STARD5: variants seen among roughly 807,000 people sequenced by gnomAD.
STARD5 encodes the protein StAR related lipid transfer domain containing 5.
Under a neutral mutation model 24.6 loss-of-function variants are expected in STARD5, and 26 were observed. That is an observed-to-expected ratio of 1.06 (90% CI 0.77 to 1.47). STARD5 has a LOEUF of 1.47. Among genes scored for constraint, STARD5 ranks in the 40% most tolerant of loss-of-function variants. The pLI, the probability that STARD5 is intolerant of heterozygous loss-of-function variation, is 0.00. For synonymous variants in STARD5, 101 were observed against 99.7 expected, an observed-to-expected ratio of 1.01 and a Z score of -0.07; for missense variants, 254 against 270.8, an observed-to-expected ratio of 0.94 and a Z score of 0.44.
At chr15:81,321,702 C>T (rs1332910191) in intron 3 of STARD5, among the ~76,000 whole-genome samples, 1 of 151,812 alleles carries the variant, frequency 6.6e-6, no homozygotes, top group East Asian at 1.9e-4. Context: ...ATGATGACTT[C>T]CAAGAATAAA....
chr15:81,316,410 G>A (rs190862197), intron 5 of STARD5, among the ~76,000 whole-genome samples: 1 of 152,180 alleles, frequency 6.6e-6, no homozygotes, highest in Non-Finnish European at 1.5e-5. Context: ...ATCAATATCT[G>A]GGTTAAGAGC....
chr15:81,316,382 C>T (rs755995446), intron 5 of STARD5, among the ~76,000 whole-genome samples: 1 of 152,204 alleles, frequency 6.6e-6, no homozygotes, highest in African/African-American at 2.4e-5. Flanking sequence ...AGGGCAGACA[C>T]TCTAGCTGTT....
chr15:81,314,008 T>C (rs531335893), intron 5 of STARD5: 99 of 152,334 alleles, frequency 6.5e-4, no homozygotes, highest in African/African-American at 2.3e-3. Context: ...TTCACAGTAT[T>C]TTTTGTTTTA....
chr15:81,319,231 G>GTTTCTGGTGA, intron 4 of STARD5, 108 bp downstream of exon 4: 1 of 1,015,496 alleles, frequency 9.8e-7, no homozygotes, highest in South Asian at 1.4e-5. Context: ...CAGAGTGTGA[G>GTTTCTGGTGA]TTTCTGGTGA....
At position 81,310,711 on chromosome 15, in the gene STARD5, T is replaced by C. The variant is rs1352978834; in HGVS notation, c.*2545A>G. On this transcript the variant is annotated 3_prime_UTR_variant, in exon 6 of 6. Transcript: ENST00000302824. ...GTGGCCTTCCCTAAAATCAGGGAATTGTTTTAAGTCTTATCAAGCAGCCAA... is the reference window on the plus strand; with the variant it reads ...GTGGCCTTCCCTAAAATCAGGGAATCGTTTTAAGTCTTATCAAGCAGCCAA... 1 of 152,030 alleles carries C rather than the reference T, an allele frequency of 6.6e-6. No homozygotes were observed. 9.4% of individuals were successfully genotyped at this position (152,030 alleles called of 1,614,324 possible). A position where few individuals can be genotyped will look rare whatever the true frequency, so the allele number is the denominator to read the frequency against.
rs201161645 is a variant in STARD5, at chr15:81,318,440, G to A, written c.463C>T (p.Pro155Ser). 44 of 1,614,014 alleles carry A rather than the reference G, an allele frequency of 2.7e-5. No homozygotes were observed. Among genetic ancestry groups the A allele is most frequent in the Non-Finnish European group, 3.6e-5 (42 of 1,180,038 alleles). Residue 155 changes from proline (P) to serine (S), a missense_variant, in exon 5 of 6, where the codon CCT (proline) becomes TCT (serine). Physicochemically the swap from Pro to Ser is moderately conservative, Grantham distance 74. Coordinates refer to ENST00000302824, the MANE Select transcript of STARD5 (RefSeq NM_181900.3). The part of the protein sequence containing the change: ...KPGFVRGFNH[P>S]CGCFCEPLPG... ...AGAGGTTCACAGAAGCAACCACAAGGATGGTTAAATCCTCTCACAAAACCT... is the reference window on the plus strand; with the variant it reads ...AGAGGTTCACAGAAGCAACCACAAGAATGGTTAAATCCTCTCACAAAACCT...
At chr15:81,316,485 T>C (rs1229185161) in intron 5 of STARD5, among the ~76,000 whole-genome samples, 1 of 152,234 alleles carries the variant, frequency 6.6e-6, no homozygotes, top group East Asian at 1.9e-4. Flanking sequence ...CTGTGTGACC[T>C]TGGGTTAGTT....
At position 81,324,133 on chromosome 15, in the gene STARD5, G is replaced by C; in HGVS notation, c.-34C>G. On this transcript the variant is annotated 5_prime_UTR_variant, in exon 1 of 6. Coordinates refer to ENST00000302824, the MANE Select transcript of STARD5 (RefSeq NM_181900.3). ...GAGCTGCGCTTAGCTGCGGGGTCGCGGGTGTTATGAGCGGCGGCGCTGGAT... is the reference window on the plus strand; with the variant it reads ...GAGCTGCGCTTAGCTGCGGGGTCGCCGGTGTTATGAGCGGCGGCGCTGGAT... The C allele has an allele frequency of 7.6e-7, 1 of 1,308,380 alleles. No homozygotes were observed. The highest frequency in any genetic ancestry group is 2.4e-5 in the South Asian group (1 of 41,394). The allele number at this position is 1,308,380 out of a possible 1,614,324, so 81.0% of individuals were successfully genotyped here.
rs778601507 is a variant in STARD5 at position 81,322,920 on chromosome 15, G to A, written c.128C>T (p.Ser43Phe). The A allele has an allele frequency of 1.9e-5, 31 of 1,614,124 alleles. No individual in the cohort carries two copies. In the South Asian group the frequency reaches 3.3e-4, roughly 17 times the overall value. The change falls in exon 2 of 6, where the codon TCT (serine) becomes TTT (phenylalanine). Residue 43 changes from serine (S) to phenylalanine (F), a missense_variant. By Grantham distance (155) the Ser-to-Phe change is radical. Coordinates refer to ENST00000302824, the MANE Select transcript of STARD5 (RefSeq NM_181900.3). ...GNGVSVSWRP[S>F]VEFPGNLYRG... is the part of the protein sequence containing the mutation. ...TTACAGGTTCCCTGGAAACTCCACA[G>A]ATGGCCTCCAGGAAACTGAAACTCC...
intron 5 of STARD5, among the ~76,000 whole-genome samples, chr15:81,314,893 GAAAAAAAAAAAAAAA>G (rs5814055): frequency 9.6e-6 from 1 of 104,050 alleles, no homozygotes; most frequent in Non-Finnish European, 1.9e-5. Context: ...CCTCAAAAAA[GAAAAAAAAAAAAAAA>G]AAAAAAAGAA....
intron 5 of STARD5, among the ~76,000 whole-genome samples, chr15:81,314,618 C>T (rs1901033623): frequency 6.6e-6 from 1 of 152,254 alleles, no homozygotes; most frequent in East Asian, 1.9e-4. Context: ...AGCACGGTGG[C>T]TCATGCCTGT....
Position 81,313,238 on chromosome 15 carries a change from C to A in STARD5, c.*18G>T. On this transcript the variant is annotated 3_prime_UTR_variant, in exon 6 of 6. Coordinates refer to ENST00000302824, the MANE Select transcript of STARD5 (RefSeq NM_181900.3). ...TCGATGAGTCACGGGAGTTCTTTGCCAAGAAGTAACGATAGCATTACTCAT... is the reference window on the plus strand; with the variant it reads ...TCGATGAGTCACGGGAGTTCTTTGCAAAGAAGTAACGATAGCATTACTCAT... The A allele has an allele frequency of 6.5e-7, 1 of 1,529,116 alleles. No individual in the cohort carries two copies. 94.7% of individuals were successfully genotyped at this position (1,529,116 alleles called of 1,614,324 possible).
In STARD5 at chr15:81,310,001, C is replaced by A. The variant is rs529733183; in HGVS notation, c.*3255G>T. 1.3e-5 allele frequency: 2 copies of A among 152,336 alleles called. No individual in the cohort carries two copies. The highest frequency in any genetic ancestry group is 4.1e-4 in the South Asian group (2 of 4,830). The allele number at this position is 152,336 out of a possible 1,614,324, so 9.4% of individuals were successfully genotyped here. ...TAAGTGCACAACATTACAGGGAATG[C>A]CTGAGTGCCTGGCCAAAGGGATATT... On this transcript the variant is annotated 3_prime_UTR_variant, in exon 6 of 6. Coordinates refer to ENST00000302824, the MANE Select transcript of STARD5 (RefSeq NM_181900.3).
chr15:81,319,098 A>G (rs1449520013), intron 4 of STARD5, among the ~76,000 whole-genome samples: 1 of 150,174 alleles, frequency 6.7e-6, no homozygotes, highest in Non-Finnish European at 1.5e-5. Flanking sequence ...CCGCAGGAAA[A>G]AAAAAAAAGG....
In STARD5 at chr15:81,310,504, T is replaced by C. The variant is rs769361781; in HGVS notation, c.*2752A>G. On this transcript the variant is annotated 3_prime_UTR_variant, in exon 6 of 6. Coordinates refer to ENST00000302824, the MANE Select transcript of STARD5 (RefSeq NM_181900.3). ...AGTAGACAAGCAATTAGACAAGAACTTGGAGGCACCATTTGTATCCACTTT... is the reference window on the plus strand; with the variant it reads ...AGTAGACAAGCAATTAGACAAGAACCTGGAGGCACCATTTGTATCCACTTT... The C allele has an allele frequency of 1.3e-5, 2 of 152,240 alleles. No homozygotes were observed. Among genetic ancestry groups the C allele is most frequent in the Admixed American group, 1.3e-4 (2 of 15,288 alleles). 9.4% of individuals were successfully genotyped at this position (152,240 alleles called of 1,614,324 possible). A position where few individuals can be genotyped will look rare whatever the true frequency, so the allele number is the denominator to read the frequency against.
chr15:81,319,498 A>C (rs764641951), intron 3 of STARD5, 42 bp from the exon 4 acceptor site: 9 of 1,565,808 alleles, frequency 5.7e-6, no homozygotes, highest in Non-Finnish European at 7.9e-6. Flanking sequence ...TGCTGGCCAG[A>C]CATCTTCTCC....
intron 4 of STARD5, 112 bp downstream of exon 4, chr15:81,319,227 G>A (rs1308645137): frequency 1.0e-5 from 10 of 966,014 alleles, no homozygotes; most frequent in African/African-American, 1.6e-5. Flanking sequence ...GACTCAGAGT[G>A]TGAGTTTCTG....
chr15:81,322,977 T>A, intron 1 of STARD5, 29 bp from the exon 2 acceptor site: 40 of 1,613,732 alleles, frequency 2.5e-5, no homozygotes, highest in Non-Finnish European at 3.2e-5. Flanking sequence ...CCACAGAATT[T>A]TAGAGCTAGA....
intron 5 of STARD5, among the ~76,000 whole-genome samples, chr15:81,314,288 G>A (rs1478807801): frequency 1.3e-5 from 2 of 152,172 alleles, no homozygotes; most frequent in Admixed American, 6.5e-5. Context: ...GCCAAGGGGT[G>A]GCAGAAGCTC....
Sources: gnomAD v4.1 joint callset for allele counts (sites outside exome capture counted in the v4.1 genomes callset) on GRCh38, gnomAD v4.1.1 for gene constraint, MANE v1.5 for transcripts, NCBI Gene and HGNC (gene_info 2026-07-23, HGNC 2026-07-21) for gene names.